PIEZO2: variants seen among roughly 807,000 people sequenced by gnomAD.
PIEZO2 encodes piezo type mechanosensitive ion channel component 2, also known as piezo-type mechanosensitive ion channel component 2.
PIEZO2 carries 172 observed loss-of-function variants against 337.3 expected under a neutral mutation model. The observed-to-expected ratio is 0.51, with a 90% confidence interval of 0.45 to 0.58. PIEZO2 has a LOEUF of 0.58. Among genes scored for constraint, PIEZO2 ranks in the 20% least tolerant of loss-of-function variants. The probability of loss-of-function intolerance (pLI) is 0.00; values close to 1 mark genes in which losing one functional copy is unlikely to be tolerated. For missense variants in PIEZO2, 3,028 were observed against 3,391.3 expected (o/e 0.89, Z 2.66); for synonymous variants, 1,251 against 1,228.5 (o/e 1.02, Z -0.38).
At chr18:10,989,198 T>C (rs909209161) in intron 2 of PIEZO2, among the ~76,000 whole-genome samples, 3 of 152,086 alleles carry the variant, frequency 2.0e-5, no homozygotes, top group African/African-American at 7.2e-5. Flanking sequence ...GTGTCTATCA[T>C]CAAAACTCAT....
At chr18:10,869,854 C>A (rs181946815) in intron 5 of PIEZO2, among the ~76,000 whole-genome samples, 1 of 152,248 alleles carries the variant, frequency 6.6e-6, no homozygotes, top group Non-Finnish European at 1.5e-5. Context: ...GATTGCATAT[C>A]TTTTACCCAT....
intron 2 of PIEZO2, among the ~76,000 whole-genome samples, chr18:11,036,109 C>T (rs1385113933): frequency 6.6e-6 from 1 of 152,196 alleles, no homozygotes; most frequent in African/African-American, 2.4e-5. Flanking sequence ...GCCTGCAGTA[C>T]TGAGAACCCC....
intron 3 of PIEZO2, among the ~76,000 whole-genome samples, chr18:10,915,609 T>C (rs187337628): frequency 2.0e-5 from 3 of 152,302 alleles, no homozygotes; most frequent in Admixed American, 2.0e-4. Flanking sequence ...ACCAAGTAGG[T>C]GCTAGCTTCC....
At position 10,698,847 on chromosome 18, in the gene PIEZO2, C is replaced by T. The variant is rs2035211487; in HGVS notation, c.6694+78G>A. 1.0e-5 allele frequency: 15 copies of T among 1,503,964 alleles called. No individual in the cohort carries two copies. In the Admixed American group the frequency reaches 1.1e-4, roughly 11 times the overall value. The allele number at this position is 1,503,964 out of a possible 1,614,324, so 93.2% of individuals were successfully genotyped here. On this transcript the variant is annotated intron_variant, in intron 44 of 55. Coordinates refer to ENST00000674853, the MANE Select transcript of PIEZO2 (RefSeq NM_001378183.1). ...TGATAGCACCCAATACACTCCCTTGCCCCAGACCCACAGGCACCAGAAAAA... is the reference window on the plus strand; with the variant it reads ...TGATAGCACCCAATACACTCCCTTGTCCCAGACCCACAGGCACCAGAAAAA...
Position 10,672,555 on chromosome 18 carries a change from CACAAGG to C in PIEZO2, c.8345+129_8345+134del. Reference sequence around the variant, plus strand: ...GCCTCATTTTTTGAAATAAAATGCACACAAGGATGTGTGCATTTTAATACTGCAGCT... The same window carrying C: ...GCCTCATTTTTTGAAATAAAATGCACATGTGTGCATTTTAATACTGCAGCT... On this transcript the variant is annotated intron_variant, in intron 55 of 55. Transcript: ENST00000674853. This position sits in a 1 kb window ranked among gnomAD's most constrained non-coding sequence, Gnocchi z 4.7. The C allele has an allele frequency of 1.0e-6, 1 of 971,238 alleles. No homozygotes were observed. Among genetic ancestry groups the C allele is most frequent in the South Asian group, 1.7e-5 (1 of 59,088 alleles). The allele number at this position is 971,238 out of a possible 1,614,324, so 60.2% of individuals were successfully genotyped here.
At chr18:10,986,148 C>T (rs80310721) in intron 2 of PIEZO2, among the ~76,000 whole-genome samples, 2,249 of 152,070 alleles carry the variant, frequency 0.015, 64 homozygotes, top group African/African-American at 0.048. Context: ...TTGAACTCTA[C>T]CAAATATTTA....
chr18:11,089,821 G>T (rs1204265906), intron 1 of PIEZO2, among the ~76,000 whole-genome samples: 1 of 152,214 alleles, frequency 6.6e-6, no homozygotes, highest in Non-Finnish European at 1.5e-5. Context: ...ACCTCTTCCA[G>T]CTCTGTCCAA....
At chr18:10,883,192 T>C (rs1159281605) in intron 4 of PIEZO2, among the ~76,000 whole-genome samples, 2 of 152,202 alleles carry the variant, frequency 1.3e-5, no homozygotes, top group Non-Finnish European at 2.9e-5. Flanking sequence ...GTTGATTCTA[T>C]ATCTTGGCTA....
In PIEZO2 at chr18:11,007,189, G is replaced by A. The variant is rs941145020; in HGVS notation, c.161-27529C>T. On this transcript the variant is annotated intron_variant, in intron 2 of 55. Transcript: ENST00000674853. ...TTTAGAAGATGAAAATGTGTGCTGA[G>A]ATTTAAAAAGTATTCTCAAAAACAA... 1.1e-4 allele frequency among the ~76,000 whole-genome samples: 17 copies of A among 152,254 alleles called. No individual in the cohort carries two copies. In the Middle Eastern group the frequency reaches 0.014, roughly 123 times the overall value.
chr18:11,059,628 T>G (rs2037864150), intron 2 of PIEZO2, among the ~76,000 whole-genome samples: 1 of 152,036 alleles, frequency 6.6e-6, no homozygotes, highest in Non-Finnish European at 1.5e-5. Context: ...TAAAACAGAC[T>G]TTAAACCAAC....
chr18:10,871,468 C>T (rs933292988), intron 4 of PIEZO2, 53 bp from the exon 5 acceptor site: 71 of 1,461,364 alleles, frequency 4.9e-5, no homozygotes, highest in African/African-American at 1.8e-4. Flanking sequence ...TATATTTCTA[C>T]GGTTAAACTG....
chr18:10,907,720 C>T (rs537352841), intron 4 of PIEZO2, among the ~76,000 whole-genome samples: 12 of 152,238 alleles, frequency 7.9e-5, no homozygotes, highest in South Asian at 6.2e-4. Flanking sequence ...TACAAAGCCA[C>T]GCCCACCTGG....
intron 4 of PIEZO2, among the ~76,000 whole-genome samples, chr18:10,889,018 G>A (rs2042684385): frequency 6.6e-6 from 1 of 152,166 alleles, no homozygotes. Flanking sequence ...TTCTTGATGG[G>A]AAAAGGAAGG....
chr18:11,128,552 C>A lies in PIEZO2; in HGVS notation c.64+19973G>T, dbSNP rs578138841. Among the ~76,000 whole-genome samples the A allele has an allele frequency of 6.6e-6, 1 of 152,162 alleles. No individual in the cohort carries two copies. The highest frequency in any genetic ancestry group is 1.5e-5 in the Non-Finnish European group (1 of 68,040). On this transcript the variant is annotated intron_variant, in intron 1 of 55. Transcript: ENST00000674853. The surrounding 1 kb of genome is among the most constrained non-coding windows in gnomAD (Gnocchi z 4.1). Reference sequence around the variant, plus strand: ...GGAACAGCTTCCCCATCCCCAGTAGCGGCAACATCCCTTCCCAAACCACGC... The same window carrying A: ...GGAACAGCTTCCCCATCCCCAGTAGAGGCAACATCCCTTCCCAAACCACGC...
In PIEZO2 at chr18:10,807,279, T is replaced by C; in HGVS notation, c.918-5A>G. The C allele has an allele frequency of 6.5e-7, 1 of 1,530,668 alleles. No homozygotes were observed. 94.8% of individuals were successfully genotyped at this position (1,530,668 alleles called of 1,614,324 possible). ...ACTGACTTGATACCAAACAACCTGT[T>C]AAAAAACAAAGAAAAATGCTTAAAA... On this transcript the variant is annotated splice_region_variant and splice_polypyrimidine_tract_variant and intron_variant, in intron 7 of 55. Coordinates refer to ENST00000674853, the MANE Select transcript of PIEZO2 (RefSeq NM_001378183.1).
rs1892933768 is a variant in PIEZO2 at position 10,807,154 on chromosome 18, G to A, written c.1038C>T (p.Tyr346=). Residue 346 remains tyrosine (Y), a synonymous_variant, in exon 8 of 56, where the codon TAC becomes TAT. Coordinates refer to ENST00000674853, the MANE Select transcript of PIEZO2 (RefSeq NM_001378183.1). ...ANPILLLVMY[Y]TLATLIRIWL... ...AGATGCGGATCAGAGTGGCCAGAGTGTAGTACATCACCAGCAGGAGGATAG... is the reference window on the plus strand; with the variant it reads ...AGATGCGGATCAGAGTGGCCAGAGTATAGTACATCACCAGCAGGAGGATAG... 3.3e-6 allele frequency: 5 copies of A among 1,537,126 alleles called. No individual in the cohort carries two copies. The highest frequency in any genetic ancestry group is 4.4e-6 in the Non-Finnish European group (5 of 1,146,906).
At position 11,126,632 on chromosome 18, in the gene PIEZO2, T is replaced by A. The variant is rs980809621; in HGVS notation, c.64+21893A>T. ...AAGAGCAGGAGCCATGCCTTACATA[T>A]TTTTTTTTTTTTGTATTCCCAGAAT... is the stretch of plus-strand genomic sequence containing the variant. On this transcript the variant is annotated intron_variant, in intron 1 of 55. Transcript: ENST00000674853. This position sits in a 1 kb window ranked among gnomAD's most constrained non-coding sequence, Gnocchi z 4.6. Among the ~76,000 whole-genome samples, 2 of 129,826 alleles carry A rather than the reference T, an allele frequency of 1.5e-5. No individual in the cohort carries two copies. The highest frequency in any genetic ancestry group is 1.5e-4 in the Admixed American group (2 of 13,058). 85.2% of individuals were successfully genotyped at this position (129,826 alleles called of 152,430 possible).
rs2041822331 is a variant in PIEZO2 at position 10,859,684 on chromosome 18, C to A, written c.493-2473G>T. On this transcript the variant is annotated intron_variant, in intron 5 of 55. Transcript: ENST00000674853. This position sits in a 1 kb window ranked among gnomAD's most constrained non-coding sequence, Gnocchi z 4.9. The stretch of plus-strand genomic sequence containing the variant: ...ACTCCAGCAGAGTGGGCTGGACTCA[C>A]CATTCCATTTAGAGTAAAAATGCTT... Among the ~76,000 whole-genome samples, 1 of 152,256 alleles carries A rather than the reference C, an allele frequency of 6.6e-6. No individual in the cohort carries two copies. The highest frequency in any genetic ancestry group is 2.4e-5 in the African/African-American group (1 of 41,472).
In PIEZO2 at chr18:10,797,126, A is replaced by G. The variant is rs148957617; in HGVS notation, c.1527+248T>C. On this transcript the variant is annotated intron_variant, in intron 12 of 55. Coordinates refer to ENST00000674853, the MANE Select transcript of PIEZO2 (RefSeq NM_001378183.1). Reference sequence around the variant, plus strand: ...TATGTACCATCATATTATACATACCATCATAGCACACATACCATCATATCA... The same window carrying G: ...TATGTACCATCATATTATACATACCGTCATAGCACACATACCATCATATCA... Among the ~76,000 whole-genome samples, 2,410 of 149,664 alleles carry G rather than the reference A, an allele frequency of 0.016. 98 individuals carry two copies. The highest frequency in any genetic ancestry group is 0.059 in the African/African-American group (2,324 of 39,544).
Sources: gnomAD v4.1 joint callset for allele counts (sites outside exome capture counted in the v4.1 genomes callset) on GRCh38, gnomAD v4.1.1 for gene constraint, Gnocchi (gnomAD v3.1) non-coding constraint, MANE v1.5 for transcripts, NCBI Gene and HGNC (gene_info 2026-07-23, HGNC 2026-07-21) for gene names.